Variants in PTPRG observed in about 807,000 individuals in gnomAD.
PTPRG encodes receptor-type tyrosine-protein phosphatase gamma.
Under a neutral mutation model 165.3 loss-of-function variants are expected in PTPRG, and 102 were observed. The ratio of observed to expected loss-of-function variants is 0.62; its 90% CI spans 0.53 to 0.73. PTPRG has a LOEUF of 0.73. Among genes scored for constraint, PTPRG ranks in the 30% least tolerant of loss-of-function variants. The pLI, the probability that PTPRG is intolerant of heterozygous loss-of-function variation, is 0.00. For synonymous variants in PTPRG, 675 were observed against 669.5 expected (o/e 1.01, Z -0.13); for missense variants, 1,866 against 1,861.4 (o/e 1.00, Z -0.05).
intron 1 of PTPRG, among the ~76,000 whole-genome samples, chr3:61,737,919 T>TG (rs2032781897): frequency 6.6e-6 from 1 of 150,760 alleles, no homozygotes; most frequent in East Asian, 2.0e-4. Context: ...TTTTTGTTTT[T>TG]TTTTTTTAAG....
In PTPRG at chr3:61,953,490, A is replaced by G. The variant is rs1395496900; in HGVS notation, c.191-36135A>G. On this transcript the variant is annotated intron_variant, in intron 2 of 29. Coordinates refer to ENST00000474889, the MANE Select transcript of PTPRG (RefSeq NM_002841.4). ...ACGTGAGCACTTCTGGATGCCGGGC[A>G]GCACTTCTAAAGGTTACCTACGGGC... 2.6e-5 allele frequency among the ~76,000 whole-genome samples: 4 copies of G among 152,206 alleles called. No homozygotes were observed. The East Asian group carries it at 7.7e-4, about 29-fold the overall frequency.
chr3:62,088,078 A>C (rs1197253288), intron 5 of PTPRG, among the ~76,000 whole-genome samples: 2 of 152,218 alleles, frequency 1.3e-5, no homozygotes, highest in Non-Finnish European at 2.9e-5. Flanking sequence ...TTAACCTTTT[A>C]ATGGCAGCAG....
intron 4 of PTPRG, among the ~76,000 whole-genome samples, chr3:62,075,798 A>G (rs564957951): frequency 3.3e-4 from 50 of 152,288 alleles, no homozygotes; most frequent in African/African-American, 1.2e-3. Context: ...GTGGTTGTTC[A>G]GTCTATTACA....
intron 2 of PTPRG, among the ~76,000 whole-genome samples, chr3:61,840,778 G>GT (rs1421518243): frequency 1.4e-4 from 15 of 106,188 alleles, no homozygotes; most frequent in African/African-American, 1.8e-4. Flanking sequence ...TTTTTTGTTT[G>GT]TTTGTTTTTT....
In PTPRG at chr3:62,105,148, G is replaced by A. The variant is rs376074630; in HGVS notation, c.615+26890G>A. ...GATCTGGAAACTTCATTGCTATAGC[G>A]TGATGTTGGGGGAATGAAACAGTTG... On this transcript the variant is annotated intron_variant, in intron 5 of 29. Coordinates refer to ENST00000474889, the MANE Select transcript of PTPRG (RefSeq NM_002841.4). Among the ~76,000 whole-genome samples, 8 of 152,242 alleles carry A rather than the reference G, an allele frequency of 5.3e-5. No individual in the cohort carries two copies. In the South Asian group the frequency reaches 6.2e-4, roughly 12 times the overall value.
At chr3:62,163,294 T>C (rs1704840186) in intron 7 of PTPRG, among the ~76,000 whole-genome samples, 1 of 152,078 alleles carries the variant, frequency 6.6e-6, no homozygotes, top group South Asian at 2.1e-4. Context: ...TCCTTACTAG[T>C]CAATAAAACT....
intron 4 of PTPRG, among the ~76,000 whole-genome samples, chr3:62,037,354 A>G (rs1699979551): frequency 6.6e-6 from 1 of 152,072 alleles, no homozygotes; most frequent in Admixed American, 6.6e-5. Context: ...TCCAATCCTC[A>G]TTTCTTACCT....
chr3:61,745,930 C>G (rs1414346544), intron 1 of PTPRG, among the ~76,000 whole-genome samples: 1 of 152,182 alleles, frequency 6.6e-6, no homozygotes, highest in African/African-American at 2.4e-5. Context: ...TGTGCTTTAG[C>G]AGGTAAAACT....
At chr3:61,612,402 G>A (rs1701196276) in intron 1 of PTPRG, among the ~76,000 whole-genome samples, 1 of 152,152 alleles carries the variant, frequency 6.6e-6, no homozygotes, top group South Asian at 2.1e-4. Context: ...TGTTCTCTTG[G>A]ATGACCTTTG....
chr3:61,913,454 C>G (rs1035589990), intron 2 of PTPRG, among the ~76,000 whole-genome samples: 12 of 152,202 alleles, frequency 7.9e-5, no homozygotes, highest in South Asian at 6.2e-4. Flanking sequence ...CTCCTGACCT[C>G]GTGATCCGCC....
intron 1 of PTPRG, among the ~76,000 whole-genome samples, chr3:61,671,881 TG>T (rs1180189051): frequency 7.2e-6 from 1 of 138,466 alleles, no homozygotes; most frequent in Admixed American, 7.2e-5. Flanking sequence ...ACTGGGCGGC[TG>T]GATGGGCGGG....
intron 4 of PTPRG, among the ~76,000 whole-genome samples, chr3:62,055,184 T>C (rs749313250): frequency 7.9e-5 from 12 of 152,214 alleles, no homozygotes; most frequent in Admixed American, 5.2e-4. Context: ...CACACTTTCA[T>C]TGCATTGCAA....
chr3:61,910,859 TAGG>T (rs2038784953), intron 2 of PTPRG, among the ~76,000 whole-genome samples: 5 of 152,210 alleles, frequency 3.3e-5, no homozygotes, highest in Admixed American at 6.5e-5. Flanking sequence ...CCTTGGCACT[TAGG>T]TGGAAGGCCT....
At chr3:62,078,427 T>C (rs966240136) in intron 5 of PTPRG, among the ~76,000 whole-genome samples, 169 bp downstream of exon 5, 1 of 152,248 alleles carries the variant, frequency 6.6e-6, no homozygotes, top group East Asian at 1.9e-4. Flanking sequence ...TAAGTATGTT[T>C]AGAAACATAA....
At chr3:61,635,836 TG>T (rs1701894461) in intron 1 of PTPRG, among the ~76,000 whole-genome samples, 1 of 152,164 alleles carries the variant, frequency 6.6e-6, no homozygotes, top group South Asian at 2.1e-4. Context: ...ATGTCATCCA[TG>T]AAAAATATTA....
chr3:61,865,044 G>A (rs958184409), intron 2 of PTPRG, among the ~76,000 whole-genome samples: 28 of 152,178 alleles, frequency 1.8e-4, no homozygotes, highest in Admixed American at 1.3e-3. Flanking sequence ...TAGGCTGCAT[G>A]TTCAAGCACT....
At chr3:62,092,871 G>C (rs1213331799) in intron 5 of PTPRG, among the ~76,000 whole-genome samples, 1 of 152,192 alleles carries the variant, frequency 6.6e-6, no homozygotes. Context: ...CAGTTGTGCA[G>C]TGGGAAGGGT....
Position 62,003,326 on chromosome 3 carries a change from C to T in PTPRG, c.371-23C>T, listed in dbSNP as rs770279523. On this transcript the variant is annotated intron_variant, in intron 3 of 29. Transcript: ENST00000474889. ...GTTTTGAAACTCACTTTGTTTTCCT[C>T]TCTTCTCATTTGTTTCACACAGTCG... 5 of 1,596,954 alleles carry T rather than the reference C, an allele frequency of 3.1e-6. No homozygotes were observed. The African/African-American group carries it at 5.4e-5, about 17-fold the overall frequency.
chr3:62,071,749 C>G (rs529278751), intron 4 of PTPRG, among the ~76,000 whole-genome samples: 166 of 152,282 alleles, frequency 1.1e-3, no homozygotes, highest in Middle Eastern at 3.4e-3. Context: ...TATAATTTTT[C>G]TGTCCCAACC....
Sources: gnomAD v4.1 joint callset for allele counts (sites outside exome capture counted in the v4.1 genomes callset) on GRCh38, gnomAD v4.1.1 for gene constraint, MANE v1.5 for transcripts, NCBI Gene and HGNC (gene_info 2026-07-23, HGNC 2026-07-21) for gene names.